The following ASB3 variants were observed in gnomAD, a reference collection of about 807,000 sequenced individuals.
ASB3 encodes the protein ankyrin repeat and SOCS box containing 3.
ASB3 carries 41 observed loss-of-function variants against 54.5 expected under a neutral mutation model. The ratio of observed to expected loss-of-function variants is 0.75; its 90% CI spans 0.59 to 0.98. The LOEUF is 0.98. Among genes scored for constraint, ASB3 ranks in the 50% least tolerant of loss-of-function variants. ASB3 has a pLI of 0.00. For missense variants in ASB3, 733 were observed against 620.0 expected (o/e 1.18, Z -1.94); for synonymous variants, 266 against 221.2 (o/e 1.20, Z -1.80).
chr2:53,681,184 T>A (rs577021732), intron 9 of ASB3, among the ~76,000 whole-genome samples: 29 of 152,320 alleles, frequency 1.9e-4, no homozygotes, highest in African/African-American at 7.0e-4. Context: ...AGTGCTGCAA[T>A]AAACATTTTC....
chr2:53,720,300 C>A (rs1670629171), intron 5 of ASB3, among the ~76,000 whole-genome samples: 1 of 152,144 alleles, frequency 6.6e-6, no homozygotes, highest in Non-Finnish European at 1.5e-5. Context: ...AGTTGTGCCC[C>A]AACCACTTTG....
At chr2:53,714,985 T>C (rs540867129) in intron 6 of ASB3, among the ~76,000 whole-genome samples, 14 of 152,262 alleles carry the variant, frequency 9.2e-5, no homozygotes, top group Non-Finnish European at 1.2e-4. Flanking sequence ...AATGCACTAT[T>C]TTCCTTCTTA....
At chr2:53,730,428 G>C (rs1207516620) in intron 3 of ASB3, among the ~76,000 whole-genome samples, 1 of 152,168 alleles carries the variant, frequency 6.6e-6, no homozygotes, top group African/African-American at 2.4e-5. Flanking sequence ...AGAAGGTCTG[G>C]CTAACGTGCT....
intron 7 of ASB3, among the ~76,000 whole-genome samples, chr2:53,710,850 G>C (rs1039027815): frequency 6.6e-6 from 1 of 152,112 alleles, no homozygotes; most frequent in African/African-American, 2.4e-5. Flanking sequence ...GGGTTGGCTG[G>C]GTGCTGTGGC....
At chr2:53,754,762 A>G (rs1572973019) in intron 2 of ASB3, among the ~76,000 whole-genome samples, 1 of 152,374 alleles carries the variant, frequency 6.6e-6, no homozygotes, top group East Asian at 1.9e-4. Context: ...TTTGTAAAAT[A>G]CAAATGCAGA....
At chr2:53,743,899 CT>C (rs1448905266) in intron 3 of ASB3, among the ~76,000 whole-genome samples, 1 of 151,812 alleles carries the variant, frequency 6.6e-6, no homozygotes, top group Non-Finnish European at 1.5e-5. Context: ...AAAAATTAGC[CT>C]GGCATGGTGG....
chr2:53,755,621 G>T (rs1259149195), intron 2 of ASB3, among the ~76,000 whole-genome samples: 1 of 152,040 alleles, frequency 6.6e-6, no homozygotes, highest in Non-Finnish European at 1.5e-5. Flanking sequence ...TATAAGAAAA[G>T]GTTATATATA....
At chr2:53,777,270 T>G (rs1015688927) in intron 1 of ASB3, among the ~76,000 whole-genome samples, 6 of 152,214 alleles carry the variant, frequency 3.9e-5, no homozygotes, top group Non-Finnish European at 8.8e-5. Flanking sequence ...AACTTTACTC[T>G]GCCATACCAC....
chr2:53,741,936 G>T (rs377000303), intron 3 of ASB3, among the ~76,000 whole-genome samples: 9 of 152,116 alleles, frequency 5.9e-5, no homozygotes, highest in African/African-American at 2.2e-4. Flanking sequence ...GGGTACTTGT[G>T]GGAGAAAGAG....
chr2:53,724,362 G>A (rs1472942193), intron 5 of ASB3, among the ~76,000 whole-genome samples: 1 of 152,172 alleles, frequency 6.6e-6, no homozygotes, highest in Non-Finnish European at 1.5e-5. Context: ...CACTTTGGAG[G>A]CCAAGGCGGG....
At chr2:53,724,864 A>G (rs954011075) in intron 5 of ASB3, among the ~76,000 whole-genome samples, 7 of 152,252 alleles carry the variant, frequency 4.6e-5, no homozygotes, top group African/African-American at 1.7e-4. Context: ...GCCACAGTGG[A>G]AAGCAGTTTG....
At chr2:53,724,951 A>G (rs1670911243) in intron 5 of ASB3, among the ~76,000 whole-genome samples, 1 of 152,184 alleles carries the variant, frequency 6.6e-6, no homozygotes, top group South Asian at 2.1e-4. Flanking sequence ...AAGAAAATAA[A>G]TCATTCAACA....
At position 53,700,299 on chromosome 2, in the gene ASB3, C is replaced by T. The variant is rs774296587; in HGVS notation, c.1210G>A (p.Asp404Asn). 2 of 1,613,772 alleles carry T rather than the reference C, an allele frequency of 1.2e-6. No individual in the cohort carries two copies. Among genetic ancestry groups the T allele is most frequent in the Non-Finnish European group, 1.7e-6 (2 of 1,179,924 alleles). ...GAATTGCACAGTAGAATCAGTGGGT[C>T]AAATCCAGCAACCAGAAGATGTGGC... ...WLPHLLVAGF[D>N]PLILLCNSWI... is the part of the protein sequence containing the mutation. Residue 404 changes from aspartate to asparagine, a missense_variant, in exon 8 of 10, where the codon GAC (aspartate) becomes AAC (asparagine). Coordinates refer to ENST00000263634, the MANE Select transcript of ASB3 (RefSeq NM_016115.5).
chr2:53,726,228 T>G (rs1442312464), intron 5 of ASB3, among the ~76,000 whole-genome samples: 1 of 150,390 alleles, frequency 6.6e-6, no homozygotes, highest in Non-Finnish European at 1.5e-5. Context: ...GGAGAGACAT[T>G]AAGGTGCAGT....
chr2:53,736,741 C>A (rs1383757936), intron 3 of ASB3, among the ~76,000 whole-genome samples: 3 of 150,152 alleles, frequency 2.0e-5, no homozygotes, highest in Non-Finnish European at 4.4e-5. Context: ...GTGGCTCATA[C>A]CTGTAACCCC....
intron 5 of ASB3, among the ~76,000 whole-genome samples, chr2:53,726,906 C>A (rs1381042497): frequency 6.6e-6 from 1 of 151,972 alleles, no homozygotes; most frequent in Non-Finnish European, 1.5e-5. Context: ...GTTGGCTGGG[C>A]TGGTCTCAAG....
At chr2:53,695,705 A>T (rs771294452) in intron 8 of ASB3, among the ~76,000 whole-genome samples, 27 of 152,132 alleles carry the variant, frequency 1.8e-4, no homozygotes, top group Non-Finnish European at 3.7e-4. Flanking sequence ...TACATTGTAT[A>T]GACCAGTTGT....
intron 1 of ASB3, among the ~76,000 whole-genome samples, chr2:53,765,868 T>C (rs578083865): frequency 6.6e-6 from 1 of 152,100 alleles, no homozygotes; most frequent in Non-Finnish European, 1.5e-5. Flanking sequence ...AGGAGTAGGC[T>C]TCTGCTCCTG....
chr2:53,697,837 C>T (rs1459682050), intron 8 of ASB3, among the ~76,000 whole-genome samples: 1 of 152,174 alleles, frequency 6.6e-6, no homozygotes, highest in Non-Finnish European at 1.5e-5. Flanking sequence ...CAGGAAGCTC[C>T]ACCCCTATGA....
Sources: allele counts gnomAD v4.1 joint callset (sites outside exome capture counted in the v4.1 genomes callset), GRCh38; gene constraint gnomAD v4.1.1; transcripts MANE v1.5; gene names NCBI Gene and HGNC (gene_info 2026-07-23, HGNC 2026-07-21).